KDR: variants seen among roughly 807,000 people sequenced by gnomAD.
KDR encodes kinase insert domain receptor, also known as vascular endothelial growth factor receptor 2.
In KDR, 43 loss-of-function variants were observed where a neutral mutation model predicts 160.9. The ratio of observed to expected loss-of-function variants is 0.27; its 90% CI spans 0.21 to 0.34. The LOEUF (loss-of-function observed/expected upper bound fraction) is 0.34, where lower values mean the gene tolerates loss of function less well. Among genes scored for constraint, KDR ranks in the 10% least tolerant of loss-of-function variants. The pLI, the probability that KDR is intolerant of heterozygous loss-of-function variation, is 1.00. For missense variants in KDR, 1,469 were observed against 1,666.4 expected, an observed-to-expected ratio of 0.88 and a Z score of 2.06; for synonymous variants, 617 against 600.1, an observed-to-expected ratio of 1.03 and a Z score of -0.41.
At chr4:55,085,815 C>T (rs1272916379) in intron 27 of KDR, among the ~76,000 whole-genome samples, 5 of 152,166 alleles carry the variant, frequency 3.3e-5, no homozygotes, top group Non-Finnish European at 7.3e-5. Context: ...CATTTGTCCA[C>T]GCTTCTGGGG....
Position 55,097,661 on chromosome 4 carries a change from C to T in KDR, c.2614+1G>A. On this transcript the variant is annotated splice_donor_variant, in intron 18 of 29. Transcript: ENST00000263923. LOFTEE classifies it high-confidence loss of function. ...AGATCACCACATAATTTTGCTTTTA[C>T]CTTTCAACATTTTGACTGCTACTGT... 1 of 1,604,158 alleles carries T rather than the reference C, an allele frequency of 6.2e-7. No homozygotes were observed. Among genetic ancestry groups the T allele is most frequent in the Non-Finnish European group, 8.5e-7 (1 of 1,171,274 alleles).
chr4:55,104,716 T>C lies in KDR; in HGVS notation c.1914A>G (p.Gly638=). The part of the protein sequence containing the change: ...ELKNASLQDQ[G]DYVCLAQDRK... ...TGTCTTGAGCAAGGCAGACATAGTC[T>C]CCTTGGTCCTGCAAGGATGCATTCT... The change falls in exon 13 of 30, where the codon GGA becomes GGG. Residue 638 remains glycine, a synonymous_variant. Coordinates refer to ENST00000263923, the MANE Select transcript of KDR (RefSeq NM_002253.4). 1 of 1,613,890 alleles carries C rather than the reference T, an allele frequency of 6.2e-7. No homozygotes were observed. The highest frequency in any genetic ancestry group is 8.5e-7 in the Non-Finnish European group (1 of 1,179,866).
rs143520183 is a variant in KDR, at chr4:55,125,149, C to G, written c.67+78G>C. ...GTCCAACTCTCCAGCTCTACGATTCCGAGTTAGATCTGGCTTTCAGGTCCT... is the reference window on the plus strand; with the variant it reads ...GTCCAACTCTCCAGCTCTACGATTCGGAGTTAGATCTGGCTTTCAGGTCCT... On this transcript the variant is annotated intron_variant, in intron 1 of 29. Transcript: ENST00000263923. 459 of 1,306,024 alleles carry G rather than the reference C, an allele frequency of 3.5e-4. 8 individuals carry two copies. The East Asian group carries it at 0.011, about 31-fold the overall frequency. The allele number at this position is 1,306,024 out of a possible 1,614,324, so 80.9% of individuals were successfully genotyped here.
intron 21 of KDR, 27 bp downstream of exon 21, chr4:55,094,775 T>TA (rs1560515645): frequency 6.2e-7 from 1 of 1,606,310 alleles, no homozygotes; most frequent in South Asian, 1.1e-5. Context: ...GAGCATGCCA[T>TA]AGCATGCAGG....
At chr4:55,107,662 GA>G in intron 10 of KDR, 74 bp downstream of exon 10, 1 of 1,577,428 alleles carries the variant, frequency 6.3e-7, no homozygotes. Flanking sequence ...CTCCATTTAG[GA>G]TGGAGTCATA....
Position 55,125,498 on chromosome 4 carries a change from CA to C in KDR, c.-206del. 4.8e-6 allele frequency: 3 copies of C among 622,810 alleles called. No homozygotes were observed. The highest frequency in any genetic ancestry group is 8.5e-6 in the Non-Finnish European group (3 of 354,620). The allele number at this position is 622,810 out of a possible 1,614,324, so 38.6% of individuals were successfully genotyped here. On this transcript the variant is annotated 5_prime_UTR_variant, in exon 1 of 30. It removes the in-frame stop codon of an upstream open reading frame in the 5' UTR. Transcript: ENST00000263923. ...CGGTAGGAGAGGATATCCAGGCTGC[CA>C]GACGGACTTTCTGCGGCGCGCAAGT...
chr4:55,091,163 T>A (rs1560514551), intron 22 of KDR, among the ~76,000 whole-genome samples: 1 of 152,160 alleles, frequency 6.6e-6, no homozygotes, highest in African/African-American at 2.4e-5. Flanking sequence ...AAAAGGAGAA[T>A]TCTTAAATCA....
Position 55,115,137 on chromosome 4 carries a change from A to G in KDR, c.490-95T>C, listed in dbSNP as rs969740069. On this transcript the variant is annotated intron_variant, in intron 4 of 29. Coordinates refer to ENST00000263923, the MANE Select transcript of KDR (RefSeq NM_002253.4). ...TGAAGAATTCATCTTATTTTTAAGA[A>G]TACTAATTAGTTTTATTCATTGCAT... is the stretch of plus-strand genomic sequence containing the variant. The G allele has an allele frequency of 3.9e-6, 5 of 1,279,550 alleles. No homozygotes were observed. In the African/African-American group the frequency reaches 7.4e-5, roughly 19 times the overall value. The allele number at this position is 1,279,550 out of a possible 1,614,324, so 79.3% of individuals were successfully genotyped here.
At chr4:55,108,052 C>A (rs1720487122) in intron 9 of KDR, among the ~76,000 whole-genome samples, 159 bp from the exon 10 acceptor site, 2 of 151,994 alleles carry the variant, frequency 1.3e-5, no homozygotes, top group African/African-American at 4.8e-5. Context: ...GACCTGAGTT[C>A]TAGTGATACT....
intron 27 of KDR, among the ~76,000 whole-genome samples, chr4:55,085,821 TG>T (rs1251350919): frequency 1.3e-5 from 2 of 152,222 alleles, no homozygotes; most frequent in African/African-American, 4.8e-5. Flanking sequence ...TCCACGCTTC[TG>T]GGGATAAACG....
At chr4:55,082,505 T>A (rs772987575) in intron 28 of KDR, 31 bp downstream of exon 28, 5 of 1,463,392 alleles carry the variant, frequency 3.4e-6, no homozygotes, top group Non-Finnish European at 3.8e-6. Context: ...TTTGTATTAT[T>A]TCTAAGACTA....
intron 9 of KDR, among the ~76,000 whole-genome samples, chr4:55,108,887 T>C (rs896547014): frequency 6.6e-6 from 1 of 152,170 alleles, no homozygotes; most frequent in Non-Finnish European, 1.5e-5. Flanking sequence ...TTTATGTTTA[T>C]TTCATATAGC....
chr4:55,093,923 G>A (rs1720082801), intron 21 of KDR, among the ~76,000 whole-genome samples: 1 of 152,206 alleles, frequency 6.6e-6, no homozygotes, highest in South Asian at 2.1e-4. Flanking sequence ...ACTCAGGCCA[G>A]GCACGGAGGC....
Position 55,125,563 on chromosome 4 carries a change from A to C in KDR, c.-270T>G. On this transcript the variant is annotated 5_prime_UTR_variant, in exon 1 of 30. The change abolishes an upstream ATG in the 5' untranslated region. Coordinates refer to ENST00000263923, the MANE Select transcript of KDR (RefSeq NM_002253.4). ...GGCAGAGGAAACGCAGCGACCACAC[A>C]TTGACCGCTCTCCCGGGGTCCCGGG... is the stretch of plus-strand genomic sequence containing the variant. 5.1e-6 allele frequency: 3 copies of C among 585,578 alleles called. No individual in the cohort carries two copies. The highest frequency in any genetic ancestry group is 2.8e-5 in the East Asian group (1 of 35,558). The allele number at this position is 585,578 out of a possible 1,614,324, so 36.3% of individuals were successfully genotyped here.
At chr4:55,123,941 A>G (rs1460011565) in intron 1 of KDR, among the ~76,000 whole-genome samples, 1 of 152,232 alleles carries the variant, frequency 6.6e-6, no homozygotes, top group African/African-American at 2.4e-5. Context: ...CTACGCTAGG[A>G]AACACCCCAG....
chr4:55,088,749 C>T, intron 26 of KDR, 119 bp downstream of exon 26: 1 of 733,782 alleles, frequency 1.4e-6, no homozygotes. Context: ...TAGAAGAATA[C>T]AGTAGATTAT....
chr4:55,103,712 G>A (rs1720369349), intron 13 of KDR, among the ~76,000 whole-genome samples: 1 of 152,018 alleles, frequency 6.6e-6, no homozygotes, highest in African/African-American at 2.4e-5. Context: ...CAAGGCCTCT[G>A]ATGAAGACGT....
intron 28 of KDR, 47 bp from the exon 29 acceptor site, chr4:55,082,088 T>C: frequency 8.0e-7 from 1 of 1,249,854 alleles, no homozygotes; most frequent in Non-Finnish European, 1.2e-6. Flanking sequence ...GCATATAAAA[T>C]GACCAACTAT....
Position 55,095,449 on chromosome 4 carries a change from C to T in KDR, c.2817+128G>A, listed in dbSNP as rs1720126968. 1.9e-5 allele frequency: 14 copies of T among 720,978 alleles called. No homozygotes were observed. The South Asian group carries it at 2.1e-4, about 11-fold the overall frequency. 44.7% of individuals were successfully genotyped at this position (720,978 alleles called of 1,614,324 possible). Reference sequence around the variant, plus strand: ...AAGGTAAAAGAGGAAGTTACAACAGCCAAGAGGTAATATGAGAAGATTCCT... The same window carrying T: ...AAGGTAAAAGAGGAAGTTACAACAGTCAAGAGGTAATATGAGAAGATTCCT... On this transcript the variant is annotated intron_variant, in intron 20 of 29. Coordinates refer to ENST00000263923, the MANE Select transcript of KDR (RefSeq NM_002253.4).
Sources: gnomAD v4.1 joint callset for allele counts (sites outside exome capture counted in the v4.1 genomes callset) on GRCh38, gnomAD v4.1.1 for gene constraint, MANE v1.5 for transcripts, NCBI Gene and HGNC (gene_info 2026-07-23, HGNC 2026-07-21) for gene names.